The following RYR1 variants were observed in gnomAD, a reference collection of about 807,000 sequenced individuals.
RYR1 encodes the protein central core disease of muscle.
A neutral mutation model predicts 583.5 loss-of-function variants in RYR1; 342 were observed. The ratio of observed to expected loss-of-function variants is 0.59; its 90% CI spans 0.54 to 0.64. The LOEUF (loss-of-function observed/expected upper bound fraction) is 0.64, where lower values mean the gene tolerates loss of function less well. Among genes scored for constraint, RYR1 ranks in the 30% least tolerant of loss-of-function variants. The pLI is 0.00. For missense variants in RYR1, 6,032 were observed against 6,917.2 expected (o/e 0.87, Z 4.54); for synonymous variants, 2,791 against 2,822.5 (o/e 0.99, Z 0.35).
chr19:38,435,199 G>A (rs1027038601), intron 1 of RYR1, among the ~76,000 whole-genome samples: 1 of 152,160 alleles, frequency 6.6e-6, no homozygotes, highest in Non-Finnish European at 1.5e-5. Context: ...TTATCTCCCT[G>A]ACAGATTTGA....
Position 38,505,090 on chromosome 19 carries a change from C to T in RYR1, c.8310+9C>T, listed in dbSNP as rs939564442. 6.2e-7 allele frequency: 1 copy of T among 1,613,414 alleles called. No homozygotes were observed. On this transcript the variant is annotated intron_variant, in intron 52 of 105. Transcript: ENST00000359596. ...AGTGGGCCTTCGACAAGGTTGGCCT[C>T]AGGGTCCTCCTATCCAAGAAACCCT...
In RYR1 at chr19:38,587,446, C is replaced by A. The variant is rs775327797; in HGVS notation, c.*26C>A. 38 of 1,561,908 alleles carry A rather than the reference C, an allele frequency of 2.4e-5. No individual in the cohort carries two copies. Among genetic ancestry groups the A allele is most frequent in the Non-Finnish European group, 3.2e-5 (36 of 1,133,094 alleles). ...CACACCCCCAGCTGGCCCTCCACCC[C>A]CACCTCAAGTGCCTTATTCTCACAG... On this transcript the variant is annotated 3_prime_UTR_variant, in exon 106 of 106. Transcript: ENST00000359596.
Position 38,512,358 on chromosome 19 carries a change from C to G in RYR1, c.9347C>G (p.Ser3116Trp). ...GAGAACCTGCGGCTGGGCAAGGTGT[C>G]GCAGGCGCGCACCCAGGTGAAAGGC... is the stretch of plus-strand genomic sequence containing the variant. Reference protein sequence around the residue: ...MVENLRLGKVSQARTQVKGVG... With the variant: ...MVENLRLGKVWQARTQVKGVG... Residue 3116 changes from serine to tryptophan, a missense_variant, in exon 63 of 106, where the codon TCG becomes TGG. By Grantham distance (177) the Ser-to-Trp change is radical (BLOSUM62 -3). Coordinates refer to ENST00000359596, the MANE Select transcript of RYR1 (RefSeq NM_000540.3). This position sits in a 1 kb window ranked among gnomAD's most constrained non-coding sequence, Gnocchi z 5.1. The G allele has an allele frequency of 6.2e-7, 1 of 1,614,124 alleles. No individual in the cohort carries two copies. Among genetic ancestry groups the G allele is most frequent in the Middle Eastern group, 1.6e-4 (1 of 6,062 alleles).
At chr19:38,558,956 G>A (rs148447410) in intron 89 of RYR1, among the ~76,000 whole-genome samples, 3,428 of 152,082 alleles carry the variant, frequency 0.023, 95 homozygotes, top group Admixed American at 0.073. Context: ...CAGTGTGGTG[G>A]CACACGCCTG....
Position 38,564,993 on chromosome 19 carries a change from T to C in RYR1, c.12659T>C (p.Val4220Ala). The change falls in exon 91 of 106, where the codon GTG (valine) becomes GCG (alanine). Residue 4220 changes from valine (V) to alanine (A), a missense_variant. This residue lies in a region of RYR1 where 753 missense variants were observed against 759.6 expected (regional missense o/e 0.99). Coordinates refer to ENST00000359596, the MANE Select transcript of RYR1 (RefSeq NM_000540.3). ...TCCAAGCGCCAGTTCATCTTCGACG[T>C]GGTGAACGAGGGCGGCGAGGCTGAG... ...KESKRQFIFD[V>A]VNEGGEAEKM... The C allele has an allele frequency of 6.3e-7, 1 of 1,592,770 alleles. No homozygotes were observed. The highest frequency in any genetic ancestry group is 8.5e-7 in the Non-Finnish European group (1 of 1,170,462).
intron 29 of RYR1, among the ~76,000 whole-genome samples, chr19:38,476,359 C>T (rs1165116188): frequency 3.3e-5 from 5 of 152,070 alleles, no homozygotes; most frequent in African/African-American, 4.8e-5. Context: ...CCACCATGCC[C>T]GGCTAATTTT....
chr19:38,493,582 C>T (rs1002795137), intron 38 of RYR1, among the ~76,000 whole-genome samples: 6 of 149,522 alleles, frequency 4.0e-5, no homozygotes, highest in East Asian at 2.0e-4. Flanking sequence ...TGCAGTGGCG[C>T]GATCTTGGCT....
At chr19:38,539,210 C>A (rs997667259) in intron 84 of RYR1, among the ~76,000 whole-genome samples, 32 of 150,452 alleles carry the variant, frequency 2.1e-4, no homozygotes, top group African/African-American at 6.8e-4. Context: ...TTATTAAATA[C>A]CTTTGTGCCA....
chr19:38,521,717 T>A (rs201476558), intron 67 of RYR1, among the ~76,000 whole-genome samples: 13,238 of 145,342 alleles, frequency 0.091, 681 homozygotes, highest in South Asian at 0.25. Flanking sequence ...AAAAGAAAAT[T>A]TTTTTTTTTT....
At chr19:38,494,875 C>T (rs1969741916) in intron 39 of RYR1, among the ~76,000 whole-genome samples, 2 of 119,584 alleles carry the variant, frequency 1.7e-5, no homozygotes, top group Non-Finnish European at 3.3e-5. Flanking sequence ...TTTTGTGAGA[C>T]TGAGTCTCAC....
intron 89 of RYR1, among the ~76,000 whole-genome samples, chr19:38,551,670 TC>T (rs1021342524): frequency 1.3e-5 from 2 of 152,128 alleles, no homozygotes; most frequent in African/African-American, 4.8e-5. Flanking sequence ...CCTCTGACTG[TC>T]CCCTCTGACT....
chr19:38,483,386 G>C lies in RYR1; in HGVS notation c.4804G>C (p.Val1602Leu), dbSNP rs2145529322. 1 of 1,567,722 alleles carries C rather than the reference G, an allele frequency of 6.4e-7. No individual in the cohort carries two copies. Among genetic ancestry groups the C allele is most frequent in the Non-Finnish European group, 8.6e-7 (1 of 1,157,220 alleles). ...PRLEMQMLMP[V>L]SWSRMPNHFL... The stretch of plus-strand genomic sequence containing the variant: ...GCTGGAGATGCAGATGCTGATGCCA[G>C]TGTCCTGGAGCCGCATGCCCAACCA... The change falls in exon 33 of 106, where the codon GTG becomes CTG. Residue 1602 changes from valine to leucine, a missense_variant. Transcript: ENST00000359596. The surrounding 1 kb of genome is among the most constrained non-coding windows in gnomAD (Gnocchi z 6.3).
intron 83 of RYR1, 187 bp downstream of exon 83, chr19:38,536,954 C>T: frequency 1.5e-6 from 1 of 645,324 alleles, no homozygotes; most frequent in Non-Finnish European, 2.8e-6. Flanking sequence ...GGTCCCAGAT[C>T]AGCCACTGAG....
Position 38,446,541 on chromosome 19 carries a change from C to T in RYR1, c.701C>T (p.Pro234Leu). 6.2e-7 allele frequency: 1 copy of T among 1,614,176 alleles called. No homozygotes were observed. The highest frequency in any genetic ancestry group is 8.5e-7 in the Non-Finnish European group (1 of 1,179,998). ...GHMDECLTIS[P>L]ADSDDQRRLV... ...ATGGATGAGTGTCTGACCATTTCCC[C>T]TGCTGACAGTGATGACCAGCGCAGG... The change falls in exon 8 of 106, where the codon CCT becomes CTT. Residue 234 changes from proline (P) to leucine (L), a missense_variant. Transcript: ENST00000359596.
At chr19:38,532,599 GT>G in intron 77 of RYR1, 58 bp downstream of exon 77, 1 of 1,613,808 alleles carries the variant, frequency 6.2e-7, no homozygotes, top group Non-Finnish European at 8.5e-7. Flanking sequence ...TGCAGTGCTT[GT>G]CCACAAAAAG....
At position 38,507,256 on chromosome 19, in the gene RYR1, C is replaced by T. The variant is rs11880187; in HGVS notation, c.8816+304C>T. On this transcript the variant is annotated intron_variant, in intron 57 of 105. Coordinates refer to ENST00000359596, the MANE Select transcript of RYR1 (RefSeq NM_000540.3). ...GGAGGAGACTGAGAGGGGCGGGGAC[C>T]GGTGATTGGAGGCGGGACCAAAGAG... Among the ~76,000 whole-genome samples the T allele has an allele frequency of 0.34, 46,461 of 137,460 alleles. 7,906 individuals are homozygous for T. Among genetic ancestry groups the T allele is most frequent in the South Asian group, 0.48 (2,008 of 4,198 alleles). 90.2% of individuals were successfully genotyped at this position (137,460 alleles called of 152,430 possible).
chr19:38,586,456 A>G, intron 104 of RYR1, 69 bp from the exon 105 acceptor site: 1 of 1,482,804 alleles, frequency 6.7e-7, no homozygotes, highest in East Asian at 2.3e-5. Flanking sequence ...CTTCCTCTCT[A>G]CTATAAATGA....
In RYR1 at chr19:38,512,844, C is replaced by T. The variant is rs1970792854; in HGVS notation, c.9472+361C>T. On this transcript the variant is annotated intron_variant, in intron 63 of 105. Coordinates refer to ENST00000359596, the MANE Select transcript of RYR1 (RefSeq NM_000540.3). The surrounding 1 kb of genome is among the most constrained non-coding windows in gnomAD (Gnocchi z 5.1). Reference sequence around the variant, plus strand: ...TTTAAAGATTAGCCAGGCATGGAGGCACATGCCTGTAATCCCAGCTACTGG... The same window carrying T: ...TTTAAAGATTAGCCAGGCATGGAGGTACATGCCTGTAATCCCAGCTACTGG... Among the ~76,000 whole-genome samples the T allele has an allele frequency of 6.6e-6, 1 of 151,790 alleles. No individual in the cohort carries two copies. Among genetic ancestry groups the T allele is most frequent in the East Asian group, 1.9e-4 (1 of 5,138 alleles).
In RYR1 at chr19:38,511,609, T is replaced by G. The variant is rs752687959; in HGVS notation, c.9171T>G (p.Phe3057Leu). ...AALVRHRVSLFGTDAPAVVNC... is the reference protein window; with the variant it reads ...AALVRHRVSLLGTDAPAVVNC... ...TCGTCCGCCACCGAGTCTCTCTCTT[T>G]GGTAAGTGGCTCCACACCTTCGGTC... The change falls in exon 61 of 106, where the codon TTT becomes TTG. Residue 3057 changes from phenylalanine (F) to leucine (L), a missense_variant and splice_region_variant. Transcript: ENST00000359596. The G allele has an allele frequency of 1.9e-6, 3 of 1,614,106 alleles. No individual in the cohort carries two copies. In the South Asian group the frequency reaches 3.3e-5, roughly 18 times the overall value.
Sources: allele counts gnomAD v4.1 joint callset (sites outside exome capture counted in the v4.1 genomes callset), GRCh38; gene constraint gnomAD v4.1.1; regional missense constraint gnomAD v4.1.1; non-coding constraint Gnocchi (gnomAD v3.1); transcripts MANE v1.5; gene names NCBI Gene and HGNC (gene_info 2026-07-23, HGNC 2026-07-21).